The following PRDM16 variants were observed in gnomAD, a reference collection of about 807,000 sequenced individuals.
PRDM16 encodes PR/SET domain 16.
Under a neutral mutation model 110.6 loss-of-function variants are expected in PRDM16, and 23 were observed. The ratio of observed to expected loss-of-function variants is 0.21; its 90% CI spans 0.15 to 0.29. The LOEUF is 0.29. Among genes scored for constraint, PRDM16 ranks in the 10% least tolerant of loss-of-function variants. The pLI is 1.00. For missense variants in PRDM16, 1,615 were observed against 1,794.3 expected (o/e 0.90, Z 1.81); for synonymous variants, 799 against 781.8 (o/e 1.02, Z -0.37).
At position 3,417,848 on chromosome 1, in the gene PRDM16, G is replaced by T; in HGVS notation, c.2712G>T (p.Met904Ile). ...TACAGATGTCAGCCATAGAGACCAT[G>T]ACAGAGAAGCTGGAGAGCTTTGCAG... is the stretch of plus-strand genomic sequence containing the variant. ...FHPQMSAIET[M>I]TEKLESFAAM... The change falls in exon 11 of 17, where the codon ATG (methionine) becomes ATT (isoleucine). Residue 904 changes from methionine (M) to isoleucine (I), a missense_variant. Met to Ile is a conservative substitution (Grantham distance 10, BLOSUM62 1). This residue lies in a region of PRDM16 where 772 missense variants were observed against 748.3 expected (regional missense o/e 1.03). Coordinates refer to ENST00000270722, the MANE Select transcript of PRDM16 (RefSeq NM_022114.4). 6.2e-7 allele frequency: 1 copy of T among 1,613,896 alleles called. No homozygotes were observed. The highest frequency in any genetic ancestry group is 8.5e-7 in the Non-Finnish European group (1 of 1,179,982).
intron 6 of PRDM16, among the ~76,000 whole-genome samples, 194 bp downstream of exon 6, chr1:3,403,192 G>A (rs1402691530): frequency 6.6e-6 from 1 of 152,210 alleles, no homozygotes; most frequent in Non-Finnish European, 1.5e-5. Context: ...GGCGCTGCGG[G>A]CAGAGCAGGT....
chr1:3,403,079 A>C (rs1643501512), intron 6 of PRDM16, 81 bp downstream of exon 6: 1 of 1,184,588 alleles, frequency 8.4e-7, no homozygotes, highest in African/African-American at 1.7e-5. Context: ...CCCTCCTCTG[A>C]GTCTTCCTCC....
intron 6 of PRDM16, among the ~76,000 whole-genome samples, chr1:3,403,353 C>G (rs1643506489): frequency 6.6e-6 from 1 of 152,242 alleles, no homozygotes; most frequent in Non-Finnish European, 1.5e-5. Context: ...GGCCAGAGCC[C>G]AGACCTGCAG....
At chr1:3,384,784 G>A (rs1643167088) in intron 3 of PRDM16, among the ~76,000 whole-genome samples, 1 of 152,372 alleles carries the variant, frequency 6.6e-6, no homozygotes, top group East Asian at 1.9e-4. Context: ...CCTTAGCAGA[G>A]GGCTCTGCTC....
At chr1:3,333,425 T>G (rs1359960236) in intron 3 of PRDM16, among the ~76,000 whole-genome samples, 2 of 152,166 alleles carry the variant, frequency 1.3e-5, no homozygotes, top group Non-Finnish European at 2.9e-5. Flanking sequence ...TGGGGCTGCA[T>G]CTGACCCTAG....
chr1:3,196,521 G>A (rs61527361), intron 2 of PRDM16, among the ~76,000 whole-genome samples: 3,820 of 152,302 alleles, frequency 0.025, 172 homozygotes, highest in African/African-American at 0.087. Context: ...GAGGCTCACC[G>A]CCCGGTGCCC....
chr1:3,111,341 T>C (rs66492337), intron 1 of PRDM16, among the ~76,000 whole-genome samples: 23,573 of 151,716 alleles, frequency 0.16, 2,363 homozygotes, highest in East Asian at 0.3. Context: ...GGAGGCAGGA[T>C]GGACAAGAGT....
chr1:3,363,452 C>T (rs1642751857), intron 3 of PRDM16, among the ~76,000 whole-genome samples: 1 of 152,150 alleles, frequency 6.6e-6, no homozygotes, highest in South Asian at 2.1e-4. Flanking sequence ...GCCGAGGGAT[C>T]CCGGTGAGCA....
chr1:3,272,737 A>G (rs1640486786), intron 3 of PRDM16, among the ~76,000 whole-genome samples: 1 of 142,928 alleles, frequency 7.0e-6, no homozygotes, highest in African/African-American at 2.5e-5. Flanking sequence ...CTCTGCCTGA[A>G]TGTGGGGTTG....
chr1:3,145,494 A>AT (rs1467635652), intron 1 of PRDM16, among the ~76,000 whole-genome samples: 1 of 152,114 alleles, frequency 6.6e-6, no homozygotes, highest in African/African-American at 2.4e-5. Flanking sequence ...GAGAGTCCCC[A>AT]GGGGAAGTTC....
chr1:3,272,485 G>T (rs77207656), intron 3 of PRDM16, among the ~76,000 whole-genome samples: 1 of 152,142 alleles, frequency 6.6e-6, no homozygotes, highest in African/African-American at 2.4e-5. Context: ...CTGCTGTGAG[G>T]CTCCTTCCGG....
chr1:3,358,813 C>T lies in PRDM16; in HGVS notation c.439-26339C>T, dbSNP rs1459746415. 6.6e-6 allele frequency among the ~76,000 whole-genome samples: 1 copy of T among 152,174 alleles called. No individual in the cohort carries two copies. The highest frequency in any genetic ancestry group is 2.4e-5 in the African/African-American group (1 of 41,444). ...ACAAAGTCACAGTGTGTGATGATTCCTGCCGGGGAGGAGGGAGCTCATTCC... is the reference window on the plus strand; with the variant it reads ...ACAAAGTCACAGTGTGTGATGATTCTTGCCGGGGAGGAGGGAGCTCATTCC... On this transcript the variant is annotated intron_variant, in intron 3 of 16. Transcript: ENST00000270722. This position sits in a 1 kb window ranked among gnomAD's most constrained non-coding sequence, Gnocchi z 4.0.
At chr1:3,335,977 C>T (rs1642137790) in intron 3 of PRDM16, among the ~76,000 whole-genome samples, 1 of 152,252 alleles carries the variant, frequency 6.6e-6, no homozygotes, top group Non-Finnish European at 1.5e-5. Flanking sequence ...TCCCTGAAGT[C>T]AGTCGTGGAT....
chr1:3,424,609 C>T (rs1437431974), intron 12 of PRDM16, among the ~76,000 whole-genome samples: 1 of 152,248 alleles, frequency 6.6e-6, no homozygotes, highest in Non-Finnish European at 1.5e-5. Context: ...CGGGAGCTGG[C>T]AGTGCCCAAA....
intron 3 of PRDM16, among the ~76,000 whole-genome samples, chr1:3,291,570 G>C (rs2500296): frequency 0.1 from 15,607 of 151,970 alleles, 2,570 homozygotes; most frequent in African/African-American, 0.35. Flanking sequence ...CACTCCTCCC[G>C]CCCCTGCCCA....
chr1:3,330,860 C>T (rs1642028034), intron 3 of PRDM16, among the ~76,000 whole-genome samples: 1 of 152,244 alleles, frequency 6.6e-6, no homozygotes, highest in South Asian at 2.1e-4. Flanking sequence ...GGGCCCTCCT[C>T]CCTCTGCCTC....
chr1:3,188,435 C>A (rs79612213), intron 2 of PRDM16, among the ~76,000 whole-genome samples: 1 of 152,172 alleles, frequency 6.6e-6, no homozygotes, highest in Non-Finnish European at 1.5e-5. Flanking sequence ...GCGCAGACTG[C>A]GCCACTGCCT....
At chr1:3,194,615 TCCCCACCACACGCCACC>T in intron 2 of PRDM16, among the ~76,000 whole-genome samples, 1 of 146,774 alleles carries the variant, frequency 6.8e-6, no homozygotes, top group Non-Finnish European at 1.5e-5. Context: ...CGCCACCGTC[TCCCCACCACACGCCACC>T]GTCTCCCCGC....
At chr1:3,259,545 C>T (rs1434203198) in intron 3 of PRDM16, among the ~76,000 whole-genome samples, 1 of 152,218 alleles carries the variant, frequency 6.6e-6, no homozygotes, top group Non-Finnish European at 1.5e-5. Context: ...CAGGTAAACT[C>T]ACCACCCAAG....
Sources: allele counts gnomAD v4.1 joint callset (sites outside exome capture counted in the v4.1 genomes callset), GRCh38; gene constraint gnomAD v4.1.1; regional missense constraint gnomAD v4.1.1; non-coding constraint Gnocchi (gnomAD v3.1); transcripts MANE v1.5; gene names NCBI Gene and HGNC (gene_info 2026-07-23, HGNC 2026-07-21).